The following NXPE2 variants were observed in gnomAD, a reference collection of about 807,000 sequenced individuals.
NXPE2 encodes neurexophilin and PC-esterase domain family member 2.
In NXPE2, 34 loss-of-function variants were observed where a neutral mutation model predicts 34.4. That is an observed-to-expected ratio of 0.99 (90% confidence interval 0.75 to 1.31). The LOEUF (loss-of-function observed/expected upper bound fraction) is 1.31, where lower values mean the gene tolerates loss of function less well. Ranked by LOEUF, NXPE2 falls within the 40% of genes most tolerant of loss-of-function variation. The pLI, the probability that NXPE2 is intolerant of heterozygous loss-of-function variation, is 0.00. For missense variants in NXPE2, 649 were observed against 672.5 expected, an observed-to-expected ratio of 0.97 and a Z score of 0.39; for synonymous variants, 235 against 231.3, an observed-to-expected ratio of 1.02 and a Z score of -0.15.
chr11:114,696,764 G>A (rs1357267229), intron 2 of NXPE2, among the ~76,000 whole-genome samples: 6 of 152,146 alleles, frequency 3.9e-5, no homozygotes, highest in Non-Finnish European at 7.4e-5. Flanking sequence ...GTTGAATGAC[G>A]GCCCCCTAAA....
chr11:114,599,541 G>A, the NXPE2 span, among the ~76,000 whole-genome samples: 1 of 152,150 alleles, frequency 6.6e-6, no homozygotes, highest in South Asian at 2.1e-4. Context: ...ATTTGAGACT[G>A]GGTAATTTAT....
intron 4 of NXPE2, 146 bp downstream of exon 4, chr11:114,704,198 G>T: frequency 3.3e-6 from 2 of 601,250 alleles, no homozygotes; most frequent in South Asian, 2.6e-5. Flanking sequence ...TTTAGAGAAG[G>T]GATTTTATTC....
the NXPE2 span, among the ~76,000 whole-genome samples, chr11:114,493,515 T>A: frequency 1.3e-5 from 2 of 152,218 alleles, no homozygotes; most frequent in Non-Finnish European, 2.9e-5. Context: ...TGTGAGGTTT[T>A]CAAATAATAT....
chr11:114,780,280 G>T, the NXPE2 span, among the ~76,000 whole-genome samples: 1 of 152,324 alleles, frequency 6.6e-6, no homozygotes, highest in Non-Finnish European at 1.5e-5. Flanking sequence ...GCAGCTGCTG[G>T]GCTCCTGTCT....
At chr11:114,776,328 T>A in the NXPE2 span, among the ~76,000 whole-genome samples, 4 of 152,244 alleles carry the variant, frequency 2.6e-5, no homozygotes, top group Admixed American at 1.3e-4. Context: ...TTTGTCCACC[T>A]GCCAAGCCTG....
At chr11:114,799,200 A>G in the NXPE2 span, among the ~76,000 whole-genome samples, 11 of 150,844 alleles carry the variant, frequency 7.3e-5, no homozygotes, top group Non-Finnish European at 1.5e-4. Flanking sequence ...AAGTTAGTCT[A>G]TCTTTAGGTT....
At chr11:114,754,555 C>T in the NXPE2 span, among the ~76,000 whole-genome samples, 1 of 152,194 alleles carries the variant, frequency 6.6e-6, no homozygotes, top group Non-Finnish European at 1.5e-5. Flanking sequence ...CCATGGTGGA[C>T]TGGCTGGCAT....
At chr11:114,808,406 C>G in the NXPE2 span, among the ~76,000 whole-genome samples, 1 of 150,998 alleles carries the variant, frequency 6.6e-6, no homozygotes, top group African/African-American at 2.4e-5. Flanking sequence ...AATCCAGGAG[C>G]TGGTTTTTTG....
chr11:114,514,769 A>G, the NXPE2 span, among the ~76,000 whole-genome samples: 3 of 152,134 alleles, frequency 2.0e-5, no homozygotes, highest in East Asian at 5.8e-4. Context: ...AGCAGTGTTT[A>G]TTGACTCCCT....
At chr11:114,620,545 C>A in the NXPE2 span, among the ~76,000 whole-genome samples, 1 of 151,862 alleles carries the variant, frequency 6.6e-6, no homozygotes, top group African/African-American at 2.4e-5. Flanking sequence ...ATAAGTGTTG[C>A]CTCTAGGGTA....
chr11:114,500,280 T>C, the NXPE2 span, among the ~76,000 whole-genome samples: 4 of 152,124 alleles, frequency 2.6e-5, no homozygotes, highest in African/African-American at 9.7e-5. Flanking sequence ...ATTGATATTG[T>C]CAGTCTTTTA....
the NXPE2 span, among the ~76,000 whole-genome samples, chr11:114,664,992 T>C: frequency 6.6e-6 from 1 of 152,172 alleles, no homozygotes; most frequent in African/African-American, 2.4e-5. Flanking sequence ...ATTTTCAACT[T>C]AGGATATTTT....
chr11:114,687,805 A>T (rs1483316776), intron 2 of NXPE2, among the ~76,000 whole-genome samples: 1 of 151,922 alleles, frequency 6.6e-6, no homozygotes, highest in Admixed American at 6.6e-5. Flanking sequence ...CCTTGTAGAG[A>T]TCTTTCACCT....
chr11:114,544,294 A>G, the NXPE2 span, among the ~76,000 whole-genome samples: 2 of 152,236 alleles, frequency 1.3e-5, no homozygotes, highest in African/African-American at 2.4e-5. Flanking sequence ...AAGAAGAACA[A>G]AATGGGAAAA....
At chr11:114,577,088 T>TATATATATAAAGTTATATATATACAC in the NXPE2 span, among the ~76,000 whole-genome samples, 9 of 67,238 alleles carry the variant, frequency 1.3e-4, no homozygotes, top group African/African-American at 1.9e-4. Flanking sequence ...TATATATACA[T>TATATATATAAAGTTATATATATACAC]ATATATATAA....
chr11:114,800,813 G>A, the NXPE2 span, among the ~76,000 whole-genome samples: 2 of 152,120 alleles, frequency 1.3e-5, no homozygotes, highest in African/African-American at 2.4e-5. Context: ...GATTTCTGTG[G>A]GGATTAAATC....
the NXPE2 span, among the ~76,000 whole-genome samples, chr11:114,500,735 C>T: frequency 6.6e-6 from 1 of 152,044 alleles, no homozygotes. Flanking sequence ...TAGTTTTGTG[C>T]TTGATCCCAT....
At chr11:114,631,438 C>G in the NXPE2 span, among the ~76,000 whole-genome samples, 1,591 of 147,498 alleles carry the variant, frequency 0.011, 22 homozygotes, top group African/African-American at 0.036. Context: ...AAACCAAACA[C>G]TGCATATTCT....
the NXPE2 span, among the ~76,000 whole-genome samples, chr11:114,812,232 A>T: frequency 6.6e-6 from 1 of 152,214 alleles, no homozygotes; most frequent in Non-Finnish European, 1.5e-5. Flanking sequence ...AAAGGGGGAT[A>T]GCAAAGGCTG....
Sources: allele counts gnomAD v4.1 joint callset (sites outside exome capture counted in the v4.1 genomes callset), GRCh38; gene constraint gnomAD v4.1.1; transcripts MANE v1.5; gene names NCBI Gene and HGNC (gene_info 2026-07-23, HGNC 2026-07-21).